The following PPFIA2 variants were observed in gnomAD, a reference collection of about 807,000 sequenced individuals.
The protein encoded by PPFIA2 is PPFI scaffold protein A2.
In PPFIA2, 46 loss-of-function variants were observed where a neutral mutation model predicts 175.5. The observed-to-expected ratio is 0.26, with a 90% CI of 0.21 to 0.34. The LOEUF is 0.34. PPFIA2 is among the 10% of genes least tolerant of loss of function. The pLI is 1.00. For synonymous variants in PPFIA2, 568 were observed against 511.4 expected (o/e 1.11, Z -1.49); for missense variants, 1,179 against 1,506.1 (o/e 0.78, Z 3.60).
intron 4 of PPFIA2, among the ~76,000 whole-genome samples, chr12:81,652,389 TA>T (rs938532127): frequency 1.3e-5 from 2 of 150,966 alleles, no homozygotes; most frequent in African/African-American, 4.9e-5. Context: ...TCTTACATAG[TA>T]AAAAAAACAA....
intron 21 of PPFIA2, among the ~76,000 whole-genome samples, chr12:81,326,295 A>T (rs549338080): frequency 1.3e-5 from 2 of 152,230 alleles, no homozygotes; most frequent in South Asian, 4.1e-4. Context: ...ATGATAGCCA[A>T]TTGGGTAGGA....
At chr12:81,648,819 C>T (rs1205864816) in intron 4 of PPFIA2, among the ~76,000 whole-genome samples, 3 of 150,956 alleles carry the variant, frequency 2.0e-5, no homozygotes, top group Non-Finnish European at 4.4e-5. Context: ...GAAGAGAGTC[C>T]AAAACAGACC....
intron 8 of PPFIA2, among the ~76,000 whole-genome samples, chr12:81,403,055 T>C (rs1407650029): frequency 1.3e-5 from 2 of 152,154 alleles, no homozygotes; most frequent in African/African-American, 4.8e-5. Context: ...ATGATAATAA[T>C]ATATAATTAT....
chr12:81,729,407 T>C (rs2080537486), intron 3 of PPFIA2, among the ~76,000 whole-genome samples: 1 of 151,582 alleles, frequency 6.6e-6, no homozygotes, highest in South Asian at 2.1e-4. Context: ...TTGGACATAC[T>C]GAAAACAATT....
At chr12:81,491,950 C>T (rs1474533435) in intron 4 of PPFIA2, among the ~76,000 whole-genome samples, 1 of 151,946 alleles carries the variant, frequency 6.6e-6, no homozygotes, top group East Asian at 1.9e-4. Context: ...ATCTTATTCA[C>T]CCTTCAATGT....
chr12:81,739,623 T>G (rs150485443), intron 3 of PPFIA2, among the ~76,000 whole-genome samples: 66 of 152,094 alleles, frequency 4.3e-4, no homozygotes, highest in African/African-American at 1.5e-3. Context: ...CAGCAACATA[T>G]CAATGCATCT....
At chr12:81,638,272 C>G (rs1218383889) in intron 4 of PPFIA2, among the ~76,000 whole-genome samples, 1 of 151,980 alleles carries the variant, frequency 6.6e-6, no homozygotes, top group Non-Finnish European at 1.5e-5. Flanking sequence ...GACTGCATGG[C>G]AGAACTATTT....
rs1471534348 is a variant in PPFIA2, at chr12:81,375,837, G to A, written c.1090C>T (p.Leu364=). Residue 364 remains leucine, a synonymous_variant, in exon 10 of 33, where the codon CTA becomes TTA. Transcript: ENST00000549396. ...STSIHDMNDK[L]ENELANKEAI... ...TCTTTATTTGCTAACTCATTTTCTA[G>A]TTTATCATTCATGTCATGTATGGAG... is the stretch of plus-strand genomic sequence containing the variant. 6.2e-7 allele frequency: 1 copy of A among 1,609,396 alleles called. No homozygotes were observed. The highest frequency in any genetic ancestry group is 2.2e-5 in the East Asian group (1 of 44,732).
At chr12:81,497,530 C>CT (rs34030284) in intron 4 of PPFIA2, among the ~76,000 whole-genome samples, 4,760 of 66,210 alleles carry the variant, frequency 0.072, 703 homozygotes, top group Non-Finnish European at 0.11. Flanking sequence ...TCATTGATGT[C>CT]TTTTTTTTTT....
chr12:81,547,797 G>C (rs1269645144), intron 4 of PPFIA2, among the ~76,000 whole-genome samples: 1 of 152,080 alleles, frequency 6.6e-6, no homozygotes, highest in Admixed American at 6.6e-5. Context: ...ACCATAACCA[G>C]TACCTAGAAA....
chr12:81,665,068 A>T (rs1251477568), intron 4 of PPFIA2, among the ~76,000 whole-genome samples: 1 of 152,024 alleles, frequency 6.6e-6, no homozygotes, highest in Non-Finnish European at 1.5e-5. Flanking sequence ...GGATAGCATT[A>T]GGAGATATAC....
chr12:81,450,163 G>C (rs1398104485), intron 5 of PPFIA2, among the ~76,000 whole-genome samples: 3 of 152,150 alleles, frequency 2.0e-5, no homozygotes, highest in African/African-American at 2.4e-5. Flanking sequence ...CCAGTAATGG[G>C]ATGGCTGGGT....
At chr12:81,633,050 T>C (rs2063576582) in intron 4 of PPFIA2, among the ~76,000 whole-genome samples, 1 of 152,238 alleles carries the variant, frequency 6.6e-6, no homozygotes, top group South Asian at 2.1e-4. Context: ...CATTGAATAT[T>C]CATGCCCACC....
At chr12:81,654,905 A>G (rs1367284968) in intron 4 of PPFIA2, among the ~76,000 whole-genome samples, 2 of 152,030 alleles carry the variant, frequency 1.3e-5, no homozygotes, top group Non-Finnish European at 1.5e-5. Context: ...TCCTTCCTTA[A>G]ATGATTGTAG....
chr12:81,564,044 TA>T (rs1445847656), intron 4 of PPFIA2, among the ~76,000 whole-genome samples: 2 of 152,134 alleles, frequency 1.3e-5, no homozygotes, highest in Admixed American at 1.3e-4. Context: ...TAAAAGGGAA[TA>T]AAAAATTGGC....
chr12:81,732,003 C>A (rs2080975582), intron 3 of PPFIA2, among the ~76,000 whole-genome samples: 1 of 151,470 alleles, frequency 6.6e-6, no homozygotes, highest in Non-Finnish European at 1.5e-5. Context: ...AAAGTTAATT[C>A]TTCAAGCCTA....
At chr12:81,302,304 G>A (rs1269871965) in intron 22 of PPFIA2, 2 of 265,006 alleles carry the variant, frequency 7.5e-6, no homozygotes, top group Non-Finnish European at 1.5e-5. Flanking sequence ...CTGATCCCAA[G>A]AGTCTGATCT....
At chr12:81,303,338 A>G (rs568804194) in intron 22 of PPFIA2, among the ~76,000 whole-genome samples, 14 of 152,222 alleles carry the variant, frequency 9.2e-5, no homozygotes, top group Non-Finnish European at 2.1e-4. Context: ...TCACCCGTAC[A>G]TCACTAAATT....
chr12:81,504,995 G>T, intron 4 of PPFIA2, among the ~76,000 whole-genome samples: 1 of 152,124 alleles, frequency 6.6e-6, no homozygotes, highest in Non-Finnish European at 1.5e-5. Flanking sequence ...GCCCTGTCAG[G>T]GGGTGGGGTG....
Sources: gnomAD v4.1 joint callset for allele counts (sites outside exome capture counted in the v4.1 genomes callset) on GRCh38, gnomAD v4.1.1 for gene constraint, MANE v1.5 for transcripts, NCBI Gene and HGNC (gene_info 2026-07-23, HGNC 2026-07-21) for gene names.